KDM4C: variants seen among roughly 807,000 people sequenced by gnomAD.
The protein encoded by KDM4C is lysine-specific demethylase 4C.
In KDM4C, 81 loss-of-function variants were observed where a neutral mutation model predicts 129.3. The observed-to-expected ratio is 0.63, with a 90% CI of 0.52 to 0.75. The LOEUF is 0.75. Among genes scored for constraint, KDM4C ranks in the 30% least tolerant of loss-of-function variants. KDM4C has a pLI of 0.00. For missense variants in KDM4C, 1,457 were observed against 1,304.0 expected, an observed-to-expected ratio of 1.12 and a Z score of -1.81; for synonymous variants, 573 against 456.1, an observed-to-expected ratio of 1.26 and a Z score of -3.26.
intron 1 of KDM4C, among the ~76,000 whole-genome samples, chr9:6,746,633 A>C (rs1408649630): frequency 1.3e-5 from 2 of 151,202 alleles, no homozygotes; most frequent in Non-Finnish European, 2.9e-5. Flanking sequence ...AAATCCCAGC[A>C]CTTTGGGACA....
At chr9:6,861,749 G>A (rs995386692) in intron 5 of KDM4C, among the ~76,000 whole-genome samples, 1 of 151,464 alleles carries the variant, frequency 6.6e-6, no homozygotes, top group African/African-American at 2.4e-5. Flanking sequence ...CATGCATAAA[G>A]TTACTTTACA....
intron 15 of KDM4C, among the ~76,000 whole-genome samples, chr9:7,021,471 A>C (rs970760759): frequency 9.9e-5 from 15 of 152,086 alleles, no homozygotes; most frequent in Non-Finnish European, 2.1e-4. Context: ...TCTTTTGAGG[A>C]AGTTCAATTC....
chr9:7,131,056 A>C (rs1479187247), intron 19 of KDM4C, among the ~76,000 whole-genome samples: 1 of 150,312 alleles, frequency 6.7e-6, no homozygotes, highest in Admixed American at 6.7e-5. Flanking sequence ...GTTGTGAGCC[A>C]CTGCCATTGG....
intron 17 of KDM4C, among the ~76,000 whole-genome samples, chr9:7,102,280 A>G (rs996822630): frequency 1.5e-4 from 23 of 150,266 alleles, no homozygotes; most frequent in African/African-American, 5.6e-4. Context: ...GCCTTTTACA[A>G]ACTTGGCTCT....
chr9:6,882,102 A>C (rs1844541245), intron 6 of KDM4C, among the ~76,000 whole-genome samples: 1 of 152,230 alleles, frequency 6.6e-6, no homozygotes, highest in Non-Finnish European at 1.5e-5. Context: ...CCTGCATCTA[A>C]TAAAGCCAGG....
chr9:6,944,652 G>GTTTTT (rs1158199897), intron 8 of KDM4C, among the ~76,000 whole-genome samples: 1,694 of 80,914 alleles, frequency 0.021, 215 homozygotes, highest in African/African-American at 0.053. Flanking sequence ...CAAGGTAGAG[G>GTTTTT]TTTTTTTTTT....
chr9:6,832,465 AC>A (rs1295733069), intron 4 of KDM4C, among the ~76,000 whole-genome samples: 1 of 121,114 alleles, frequency 8.3e-6, no homozygotes, highest in East Asian at 2.3e-4. Flanking sequence ...TCGCTCTGTC[AC>A]CCAGGCTGGA....
chr9:6,843,639 A>G (rs991546376), intron 4 of KDM4C, among the ~76,000 whole-genome samples: 5 of 152,256 alleles, frequency 3.3e-5, no homozygotes, highest in African/African-American at 9.6e-5. Context: ...ATCAGATCCT[A>G]TAATTGGTGA....
At chr9:6,929,827 G>T (rs1273872689) in intron 8 of KDM4C, among the ~76,000 whole-genome samples, 1 of 152,058 alleles carries the variant, frequency 6.6e-6, no homozygotes, top group Admixed American at 6.6e-5. Context: ...AAAGTTTGAA[G>T]GCTTCTTTCA....
At chr9:7,146,604 A>G (rs1048071771) in intron 19 of KDM4C, among the ~76,000 whole-genome samples, 1 of 152,180 alleles carries the variant, frequency 6.6e-6, no homozygotes, top group African/African-American at 2.4e-5. Context: ...GCATTTTCCA[A>G]TGAAGCAGTT....
At chr9:6,731,096 T>C (rs764546829) in intron 1 of KDM4C, among the ~76,000 whole-genome samples, 5 of 152,122 alleles carry the variant, frequency 3.3e-5, no homozygotes, top group Non-Finnish European at 7.3e-5. Flanking sequence ...TTGATGTCAC[T>C]ATCACCGTCA....
chr9:6,971,610 G>C (rs1309204561), intron 8 of KDM4C, among the ~76,000 whole-genome samples: 1 of 152,184 alleles, frequency 6.6e-6, no homozygotes, highest in Non-Finnish European at 1.5e-5. Flanking sequence ...TTCTTAACAA[G>C]TGTATGCATA....
chr9:6,801,903 G>A (rs1016750659), intron 2 of KDM4C, among the ~76,000 whole-genome samples: 2 of 151,836 alleles, frequency 1.3e-5, no homozygotes, highest in South Asian at 4.2e-4. Context: ...TCAGGAGTTC[G>A]AGACCAGCCT....
At chr9:7,076,028 A>G (rs369535169) in intron 17 of KDM4C, among the ~76,000 whole-genome samples, 1 of 152,182 alleles carries the variant, frequency 6.6e-6, no homozygotes, top group Non-Finnish European at 1.5e-5. Flanking sequence ...CATTTATGGC[A>G]TGTGAGCCTT....
At chr9:7,163,441 C>A (rs964917171) in intron 19 of KDM4C, among the ~76,000 whole-genome samples, 1 of 152,090 alleles carries the variant, frequency 6.6e-6, no homozygotes, top group African/African-American at 2.4e-5. Flanking sequence ...CGTAACTAAT[C>A]CTCTTGTAAA....
chr9:6,969,727 T>A (rs1342070713), intron 8 of KDM4C, among the ~76,000 whole-genome samples: 3 of 152,146 alleles, frequency 2.0e-5, no homozygotes, highest in Non-Finnish European at 2.9e-5. Flanking sequence ...TTATTTAAAA[T>A]TTTTTTTCTA....
rs547591077 is a variant in KDM4C at position 6,732,024 on chromosome 9, C to T, written c.49+11027C>T. ...AATACCAACAGTTTGGAGTATGTTC[C>T]TTACCCAGGGTCCCCATAAACCAAA... On this transcript the variant is annotated intron_variant, in intron 1 of 17. Coordinates refer to the KDM4C transcript ENST00000536108. Among the ~76,000 whole-genome samples the T allele has an allele frequency of 6.0e-3, 908 of 152,100 alleles. 5 individuals carry two copies. Among genetic ancestry groups the T allele is most frequent in the Non-Finnish European group, 0.011 (726 of 68,002 alleles).
At chr9:7,137,372 T>C (rs1298498589) in intron 19 of KDM4C, among the ~76,000 whole-genome samples, 1 of 152,252 alleles carries the variant, frequency 6.6e-6, no homozygotes, top group African/African-American at 2.4e-5. Flanking sequence ...ATTCTTTGTT[T>C]CTTCTAATAA....
chr9:6,842,382 G>A (rs1285907666), intron 4 of KDM4C, among the ~76,000 whole-genome samples: 6 of 142,884 alleles, frequency 4.2e-5, no homozygotes, highest in African/African-American at 5.3e-5. Flanking sequence ...AGTGGCATGC[G>A]ATCATGGCTC....
Sources: allele counts gnomAD v4.1 joint callset (sites outside exome capture counted in the v4.1 genomes callset), GRCh38; gene constraint gnomAD v4.1.1; transcripts MANE v1.5; gene names NCBI Gene and HGNC (gene_info 2026-07-23, HGNC 2026-07-21).